The following CDK17 variants were observed in gnomAD, a reference collection of about 807,000 sequenced individuals.
CDK17 encodes cyclin-dependent kinase 17.
Under a neutral mutation model 77.6 loss-of-function variants are expected in CDK17, and 24 were observed. That is an observed-to-expected ratio of 0.31 (90% CI 0.22 to 0.44). The LOEUF is 0.44. Among genes scored for constraint, CDK17 ranks in the 20% least tolerant of loss-of-function variants. The pLI is 1.00. For synonymous variants in CDK17, 203 were observed against 210.4 expected, an observed-to-expected ratio of 0.96 and a Z score of 0.30; for missense variants, 429 against 622.5, an observed-to-expected ratio of 0.69 and a Z score of 3.31.
chr12:96,298,706 ATAAT>A (rs1402709649), intron 7 of CDK17, among the ~76,000 whole-genome samples, 159 bp downstream of exon 7: 1 of 152,222 alleles, frequency 6.6e-6, no homozygotes, highest in African/African-American at 2.4e-5. Flanking sequence ...ATACACTAAT[ATAAT>A]TAATCCCTTT....
chr12:96,351,393 C>A (rs563524327), intron 1 of CDK17, among the ~76,000 whole-genome samples: 2 of 150,564 alleles, frequency 1.3e-5, no homozygotes, highest in East Asian at 3.9e-4. Flanking sequence ...TTATTCACAA[C>A]AGCCAAAAGG....
chr12:96,387,520 A>T (rs542646889), intron 1 of CDK17, among the ~76,000 whole-genome samples: 1 of 152,348 alleles, frequency 6.6e-6, no homozygotes, highest in South Asian at 2.1e-4. Context: ...ACTCTGGAAT[A>T]ATATATAATA....
At chr12:96,287,102 A>G (rs970903995) in intron 11 of CDK17, among the ~76,000 whole-genome samples, 4 of 152,200 alleles carry the variant, frequency 2.6e-5, no homozygotes, top group Non-Finnish European at 5.9e-5. Context: ...TATTAGCAAT[A>G]GTGTAGACCA....
intron 3 of CDK17, among the ~76,000 whole-genome samples, chr12:96,316,383 G>T (rs1341560747): frequency 1.3e-5 from 2 of 150,072 alleles, no homozygotes; most frequent in Non-Finnish European, 3.0e-5. Context: ...TGGGGGAGGG[G>T]CGCCCGCCAT....
intron 1 of CDK17, among the ~76,000 whole-genome samples, chr12:96,355,858 T>C (rs982103401): frequency 2.0e-5 from 3 of 152,238 alleles, no homozygotes; most frequent in African/African-American, 4.8e-5. Context: ...GAAGGAATGA[T>C]AGCAAATACT....
intron 7 of CDK17, among the ~76,000 whole-genome samples, chr12:96,298,577 AGTTT>A (rs1000256340): frequency 2.0e-5 from 3 of 152,140 alleles, no homozygotes; most frequent in African/African-American, 4.8e-5. Context: ...TAATTTATTT[AGTTT>A]ATCTGGTTAA....
At chr12:96,358,508 G>C (rs1953441079) in intron 1 of CDK17, among the ~76,000 whole-genome samples, 1 of 151,834 alleles carries the variant, frequency 6.6e-6, no homozygotes, top group Admixed American at 6.6e-5. Context: ...AAGTGTGCAA[G>C]GTCAAATATT....
chr12:96,390,607 G>A (rs371257894), intron 1 of CDK17, among the ~76,000 whole-genome samples: 102 of 149,982 alleles, frequency 6.8e-4, no homozygotes, highest in African/African-American at 2.4e-3. Flanking sequence ...TGCTCAGGAG[G>A]GTGAGGCAGG....
At chr12:96,309,478 A>G (rs1182921945) in intron 5 of CDK17, among the ~76,000 whole-genome samples, 1 of 152,260 alleles carries the variant, frequency 6.6e-6, no homozygotes, top group African/African-American at 2.4e-5. Context: ...CTGAATTTAC[A>G]TTAAAGTGAT....
intron 2 of CDK17, among the ~76,000 whole-genome samples, chr12:96,330,543 C>T (rs912345618): frequency 2.6e-5 from 4 of 152,172 alleles, no homozygotes; most frequent in African/African-American, 9.7e-5. Context: ...TCCCTATCAG[C>T]CTCTGGGAAC....
chr12:96,397,293 A>ATT (rs60718626), intron 1 of CDK17, among the ~76,000 whole-genome samples: 2 of 148,134 alleles, frequency 1.4e-5, no homozygotes, highest in South Asian at 2.1e-4. Context: ...TAAATTTTCT[A>ATT]TTTTTTTTTT....
intron 10 of CDK17, among the ~76,000 whole-genome samples, chr12:96,293,144 T>G (rs1004831354): frequency 6.6e-6 from 1 of 152,232 alleles, no homozygotes; most frequent in African/African-American, 2.4e-5. Context: ...GAAAAACATT[T>G]TTTTTATAAA....
At chr12:96,326,016 C>A (rs1952888037) in intron 2 of CDK17, among the ~76,000 whole-genome samples, 1 of 152,008 alleles carries the variant, frequency 6.6e-6, no homozygotes, top group South Asian at 2.1e-4. Flanking sequence ...AAAGTAATAC[C>A]CTGTCTCAAG....
rs1952987658 is a variant in CDK17 at position 96,332,526 on chromosome 12, GA to G, written c.118+2192del. Reference sequence around the variant, plus strand: ...TTATACTCTAAAATATGTTCCACAAGAAAAGAATGTGTTGGAATCAGCTATC... The same window carrying G: ...TTATACTCTAAAATATGTTCCACAAGAAAGAATGTGTTGGAATCAGCTATC... On this transcript the variant is annotated intron_variant, in intron 2 of 16. Coordinates refer to ENST00000261211, the MANE Select transcript of CDK17 (RefSeq NM_002595.5). Among the ~76,000 whole-genome samples, 8 of 152,308 alleles carry G rather than the reference GA, an allele frequency of 5.3e-5. No homozygotes were observed. The South Asian group carries it at 1.7e-3, about 32-fold the overall frequency.
intron 4 of CDK17, among the ~76,000 whole-genome samples, chr12:96,312,871 T>C (rs1230251705): frequency 1.3e-5 from 2 of 151,794 alleles, no homozygotes; most frequent in Non-Finnish European, 2.9e-5. Context: ...TATAATATAA[T>C]GCAAGAAAAA....
At chr12:96,349,689 T>C (rs1953282460) in intron 1 of CDK17, among the ~76,000 whole-genome samples, 1 of 152,148 alleles carries the variant, frequency 6.6e-6, no homozygotes, top group South Asian at 2.1e-4. Context: ...GACTGAAAGC[T>C]TTTCTCTTAA....
chr12:96,347,321 T>C (rs1592744386), intron 1 of CDK17, among the ~76,000 whole-genome samples: 2 of 151,576 alleles, frequency 1.3e-5, no homozygotes, highest in African/African-American at 4.9e-5. Flanking sequence ...CCCAACACTT[T>C]AGGAGGCAGA....
chr12:96,384,784 G>A (rs1478360304), intron 1 of CDK17, among the ~76,000 whole-genome samples: 1 of 152,122 alleles, frequency 6.6e-6, no homozygotes, highest in Non-Finnish European at 1.5e-5. Flanking sequence ...GGGAGGCTGA[G>A]GCAAGAGGAC....
intron 1 of CDK17, among the ~76,000 whole-genome samples, chr12:96,378,633 C>A (rs1252594640): frequency 1.3e-5 from 2 of 152,196 alleles, no homozygotes; most frequent in Non-Finnish European, 2.9e-5. Context: ...ACCTAAAGAT[C>A]TACAATTGCT....
Sources: allele counts gnomAD v4.1 joint callset (sites outside exome capture counted in the v4.1 genomes callset), GRCh38; gene constraint gnomAD v4.1.1; transcripts MANE v1.5; gene names NCBI Gene and HGNC (gene_info 2026-07-23, HGNC 2026-07-21).